Variants in ULK4 observed in about 807,000 individuals in gnomAD.
ULK4 encodes unc-51 like kinase 4.
ULK4 carries 133 observed loss-of-function variants against 160.6 expected under a neutral mutation model. That is an observed-to-expected ratio of 0.83 (90% CI 0.72 to 0.96). The LOEUF (loss-of-function observed/expected upper bound fraction) is 0.96. Ranked by LOEUF, ULK4 falls within the 40% of genes least tolerant of loss-of-function variation. The probability of loss-of-function intolerance (pLI) is 0.00; values close to 1 mark genes in which losing one functional copy is unlikely to be tolerated. For missense variants in ULK4, 1,580 were observed against 1,499.5 expected, an observed-to-expected ratio of 1.05 and a Z score of -0.89; for synonymous variants, 534 against 539.8, an observed-to-expected ratio of 0.99 and a Z score of 0.15.
chr3:41,297,417 T>C (rs2079691548), intron 35 of ULK4, among the ~76,000 whole-genome samples: 1 of 152,220 alleles, frequency 6.6e-6, no homozygotes, highest in East Asian at 1.9e-4. Flanking sequence ...CATTCCAACA[T>C]ACTGCACTGG....
intron 5 of ULK4, among the ~76,000 whole-genome samples, chr3:41,922,290 C>G (rs1346495386): frequency 1.3e-5 from 2 of 152,170 alleles, no homozygotes; most frequent in South Asian, 2.1e-4. Flanking sequence ...GAGTTCGACA[C>G]CAGCCTGGAC....
At chr3:41,516,494 T>G (rs1575341707) in intron 32 of ULK4, among the ~76,000 whole-genome samples, 1 of 150,436 alleles carries the variant, frequency 6.6e-6, no homozygotes, top group South Asian at 2.1e-4. Flanking sequence ...GGAGTACTAT[T>G]CAGCCATAAA....
At chr3:41,424,381 T>C (rs1217438811) in intron 34 of ULK4, among the ~76,000 whole-genome samples, 1 of 152,152 alleles carries the variant, frequency 6.6e-6, no homozygotes, top group Non-Finnish European at 1.5e-5. Context: ...ACAAGTGGGA[T>C]TCCCCCCAGT....
intron 22 of ULK4, among the ~76,000 whole-genome samples, chr3:41,724,939 T>G (rs185279305): frequency 5.9e-5 from 9 of 152,182 alleles, no homozygotes; most frequent in Non-Finnish European, 1.2e-4. Flanking sequence ...CCAAGTCTTG[T>G]GCTCATTTTT....
At chr3:41,750,633 C>G (rs755183161) in intron 22 of ULK4, among the ~76,000 whole-genome samples, 1 of 152,144 alleles carries the variant, frequency 6.6e-6, no homozygotes, top group Non-Finnish European at 1.5e-5. Flanking sequence ...ACACTGCCTT[C>G]TCCGTAGAGT....
chr3:41,255,269 G>T (rs1053611874), intron 35 of ULK4, among the ~76,000 whole-genome samples: 1 of 151,962 alleles, frequency 6.6e-6, no homozygotes. Flanking sequence ...ATCACCTAAG[G>T]TCAGGAGTTT....
At chr3:41,380,182 C>G (rs1390346562) in intron 35 of ULK4, among the ~76,000 whole-genome samples, 1 of 152,006 alleles carries the variant, frequency 6.6e-6, no homozygotes, top group African/African-American at 2.4e-5. Context: ...AAAATCTCTT[C>G]AAGGGTGAAG....
chr3:41,496,488 A>T (rs2084995143), intron 32 of ULK4, among the ~76,000 whole-genome samples: 1 of 152,060 alleles, frequency 6.6e-6, no homozygotes, highest in African/African-American at 2.4e-5. Context: ...GTACATGGTG[A>T]CAGGGTCCAA....
intron 32 of ULK4, among the ~76,000 whole-genome samples, chr3:41,562,355 G>A (rs2125596151): frequency 6.6e-6 from 1 of 152,284 alleles, no homozygotes; most frequent in African/African-American, 2.4e-5. Context: ...GGGGTGGAGA[G>A]TTCTGTAGAT....
intron 31 of ULK4, among the ~76,000 whole-genome samples, chr3:41,575,987 C>G (rs1350663101): frequency 6.6e-6 from 1 of 152,220 alleles, no homozygotes. Flanking sequence ...CTGCCAGGAG[C>G]AGCTCCCTGG....
chr3:41,557,841 T>C (rs2087358919), intron 32 of ULK4, among the ~76,000 whole-genome samples: 2 of 152,144 alleles, frequency 1.3e-5, no homozygotes, highest in South Asian at 4.1e-4. Context: ...CTCATTTCTA[T>C]TGAATGCAAA....
At chr3:41,472,105 GA>G (rs1409119339) in intron 32 of ULK4, among the ~76,000 whole-genome samples, 1 of 151,478 alleles carries the variant, frequency 6.6e-6, no homozygotes, top group African/African-American at 2.4e-5. Flanking sequence ...AGAAAAAAAA[GA>G]GATGACTCAA....
At chr3:41,940,444 G>C (rs1699914868) in intron 2 of ULK4, among the ~76,000 whole-genome samples, 1 of 151,986 alleles carries the variant, frequency 6.6e-6, no homozygotes, top group South Asian at 2.1e-4. Flanking sequence ...TGGTGTTTCA[G>C]TAACAGTTTT....
chr3:41,613,156 C>T (rs1387770232), intron 31 of ULK4, among the ~76,000 whole-genome samples: 3 of 152,070 alleles, frequency 2.0e-5, no homozygotes, highest in African/African-American at 7.2e-5. Context: ...ACCACCAAGG[C>T]CCTCAAACTT....
intron 35 of ULK4, among the ~76,000 whole-genome samples, chr3:41,321,366 G>C (rs1042892907): frequency 6.6e-6 from 1 of 152,164 alleles, no homozygotes; most frequent in African/African-American, 2.4e-5. Context: ...CCAGTGGCTG[G>C]ATTGGTGTAG....
intron 35 of ULK4, among the ~76,000 whole-genome samples, chr3:41,289,669 G>C (rs887415446): frequency 1.2e-4 from 19 of 152,044 alleles, no homozygotes; most frequent in African/African-American, 4.3e-4. Context: ...GGAATCTCGG[G>C]GCCTATTCAT....
chr3:41,332,743 C>G (rs1003358097), intron 35 of ULK4, among the ~76,000 whole-genome samples: 1 of 152,074 alleles, frequency 6.6e-6, no homozygotes, highest in South Asian at 2.1e-4. Context: ...TATGATTGAT[C>G]TTGTCACCCA....
At chr3:41,538,923 TTTTA>T (rs1398124110) in intron 32 of ULK4, among the ~76,000 whole-genome samples, 3 of 151,960 alleles carry the variant, frequency 2.0e-5, no homozygotes, top group East Asian at 1.9e-4. Context: ...TTTTTATATA[TTTTA>T]TTTAAGATAG....
chr3:41,392,862 T>C (rs1013022804), intron 35 of ULK4, among the ~76,000 whole-genome samples: 1 of 152,144 alleles, frequency 6.6e-6, no homozygotes, highest in African/African-American at 2.4e-5. Context: ...TCTGTTTCTC[T>C]ATGGAATCTG....
Sources: allele counts gnomAD v4.1 joint callset (sites outside exome capture counted in the v4.1 genomes callset), GRCh38; gene constraint gnomAD v4.1.1; transcripts MANE v1.5; gene names NCBI Gene and HGNC (gene_info 2026-07-23, HGNC 2026-07-21).